The following PSMD1 variants were observed in gnomAD, a reference collection of about 807,000 sequenced individuals.
PSMD1 encodes the protein proteasome 26S subunit, non-ATPase 1.
Under a neutral mutation model 119.0 loss-of-function variants are expected in PSMD1, and 18 were observed. The ratio of observed to expected loss-of-function variants is 0.15; its 90% CI spans 0.10 to 0.22. PSMD1 has a LOEUF of 0.22. Among genes scored for constraint, PSMD1 ranks in the 10% least tolerant of loss-of-function variants. PSMD1 has a pLI of 1.00. For synonymous variants in PSMD1, 374 were observed against 396.6 expected (o/e 0.94, Z 0.68); for missense variants, 702 against 1,158.5 (o/e 0.61, Z 5.72).
intron 22 of PSMD1, 100 bp downstream of exon 22, chr2:231,165,386 T>G: frequency 7.6e-7 from 1 of 1,308,994 alleles, no homozygotes; most frequent in Non-Finnish European, 1.0e-6. Flanking sequence ...GCTCTTGGCT[T>G]CCTTCAAACA....
At chr2:231,123,426 CAA>C (rs781159379) in intron 16 of PSMD1, 2 of 1,613,150 alleles carry the variant, frequency 1.2e-6, no homozygotes, top group African/African-American at 2.7e-5. Context: ...ACATTATTGT[CAA>C]GAGGGCAATT....
intron 16 of PSMD1, among the ~76,000 whole-genome samples, chr2:231,101,654 A>G (rs1694869057): frequency 6.6e-6 from 1 of 152,162 alleles, no homozygotes; most frequent in East Asian, 1.9e-4. Context: ...GGCAGACTTC[A>G]TTGTCTTGTT....
At chr2:231,110,674 C>G (rs1695128068) in intron 16 of PSMD1, among the ~76,000 whole-genome samples, 1 of 152,210 alleles carries the variant, frequency 6.6e-6, no homozygotes, top group Non-Finnish European at 1.5e-5. Flanking sequence ...CTCATGTACA[C>G]CACCAGAAAG....
At chr2:231,110,781 C>T (rs539646924) in intron 16 of PSMD1, among the ~76,000 whole-genome samples, 1 of 152,360 alleles carries the variant, frequency 6.6e-6, no homozygotes, top group South Asian at 2.1e-4. Context: ...TATTGGCATA[C>T]TGCCACTCCC....
chr2:231,165,082 A>ATATATATG (rs1696744326), intron 21 of PSMD1, 118 bp from the exon 22 acceptor site: 1 of 98,228 alleles, frequency 1.0e-5, no homozygotes, highest in Non-Finnish European at 2.0e-5. Flanking sequence ...ATATATATAT[A>ATATATATG]TATATATATG....
rs535121038 is a variant in PSMD1 at position 231,072,088 on chromosome 2, C to G, written c.655-101C>G. On this transcript the variant is annotated intron_variant, in intron 6 of 24. Transcript: ENST00000308696. ...GATAGTCTGCCCTAGTTTGCCTGTG[C>G]TTATATTTTAAGGTTTTCTATAATG... 1.3e-3 allele frequency: 1,198 copies of G among 955,610 alleles called. 2 individuals carry two copies. Among genetic ancestry groups the G allele is most frequent in the Non-Finnish European group, 1.7e-3 (1,105 of 633,408 alleles). The allele number at this position is 955,610 out of a possible 1,614,324, so 59.2% of individuals were successfully genotyped here.
chr2:231,129,072 A>C (rs1282131269), intron 16 of PSMD1, among the ~76,000 whole-genome samples: 1 of 152,224 alleles, frequency 6.6e-6, no homozygotes, highest in African/African-American at 2.4e-5. Context: ...TCAACTCTGC[A>C]TGTCCTCAGT....
At chr2:231,161,787 A>G (rs1696647454) in intron 20 of PSMD1, among the ~76,000 whole-genome samples, 1 of 152,250 alleles carries the variant, frequency 6.6e-6, no homozygotes, top group Non-Finnish European at 1.5e-5. Context: ...GAGGCTTTAT[A>G]TACCACTCTG....
chr2:231,100,152 G>A (rs890894130), intron 16 of PSMD1, among the ~76,000 whole-genome samples: 99 of 152,292 alleles, frequency 6.5e-4, no homozygotes, highest in African/African-American at 2.3e-3. Context: ...AATCATGGGC[G>A]AGCCCCCAAA....
In PSMD1 at chr2:231,072,191, C is replaced by T. The variant is rs367794379; in HGVS notation, c.657C>T (p.Cys219=). 6.2e-7 allele frequency: 1 copy of T among 1,608,638 alleles called. No individual in the cohort carries two copies. The highest frequency in any genetic ancestry group is 8.5e-7 in the Non-Finnish European group (1 of 1,175,196). Residue 219 remains cysteine (C), a splice_region_variant and synonymous_variant, in exon 7 of 25, where the codon TGC becomes TGT. Coordinates refer to ENST00000308696, the MANE Select transcript of PSMD1 (RefSeq NM_002807.4). ...ATTGTTCTTTATCTCCATTTCAGTGCTTAATTTTCTTAGATGATCCTCAGG... is the reference window on the plus strand; with the variant it reads ...ATTGTTCTTTATCTCCATTTCAGTGTTTAATTTTCTTAGATGATCCTCAGG... The part of the protein sequence containing the change: ...EKPDFINVCQ[C]LIFLDDPQAV...
At chr2:231,168,782 A>T (rs1696845280) in intron 23 of PSMD1, among the ~76,000 whole-genome samples, 1 of 152,186 alleles carries the variant, frequency 6.6e-6, no homozygotes, top group Non-Finnish European at 1.5e-5. Flanking sequence ...GAGAGAATGA[A>T]TTTTATGTTA....
At chr2:231,136,455 A>C (rs966052944) in intron 16 of PSMD1, among the ~76,000 whole-genome samples, 1 of 152,214 alleles carries the variant, frequency 6.6e-6, no homozygotes, top group Admixed American at 6.5e-5. Flanking sequence ...TAGTTTATGA[A>C]TTTTATTTTA....
rs1292149054 is a variant in PSMD1 at position 231,165,853 on chromosome 2, T to G, written c.2569-18T>G. 4 of 1,560,918 alleles carry G rather than the reference T, an allele frequency of 2.6e-6. No individual in the cohort carries two copies. Among genetic ancestry groups the G allele is most frequent in the Admixed American group, 3.8e-5 (2 of 52,220 alleles). The stretch of plus-strand genomic sequence containing the variant: ...GAAATGAACTTCTGTTGAACTTTTT[T>G]TAAATTTTATTTTATAGGATGAGGC... On this transcript the variant is annotated intron_variant, in intron 22 of 24. Transcript: ENST00000308696.
At chr2:231,122,934 A>G (rs371682098) in intron 16 of PSMD1, among the ~76,000 whole-genome samples, 1 of 152,180 alleles carries the variant, frequency 6.6e-6, no homozygotes, top group Non-Finnish European at 1.5e-5. Flanking sequence ...AAGAGCTATA[A>G]TAAGAATTTT....
At chr2:231,129,946 C>T (rs1387979281) in intron 16 of PSMD1, among the ~76,000 whole-genome samples, 4 of 152,026 alleles carry the variant, frequency 2.6e-5, no homozygotes, top group Non-Finnish European at 2.9e-5. Flanking sequence ...CTCTGTCTCC[C>T]GGGTTTAAAC....
intron 10 of PSMD1, 38 bp downstream of exon 10, chr2:231,078,785 CTTTTTCTTTTTTTTTTTTT>C: frequency 9.7e-6 from 5 of 516,616 alleles, no homozygotes; most frequent in Non-Finnish European, 1.5e-5. Flanking sequence ...GGTTCAAAAT[CTTTTTCTTTTTTTTTTTTT>C]TTTTTTTTTT....
intron 12 of PSMD1, among the ~76,000 whole-genome samples, chr2:231,082,506 A>C (rs183309414): frequency 0.015 from 2,358 of 152,294 alleles, 30 homozygotes; most frequent in Non-Finnish European, 0.025. Context: ...GAAGTTACAG[A>C]CCAGCCTGGC....
intron 16 of PSMD1, among the ~76,000 whole-genome samples, chr2:231,119,612 T>G (rs1258906194): frequency 6.6e-6 from 1 of 152,162 alleles, no homozygotes; most frequent in Non-Finnish European, 1.5e-5. Context: ...GGCTCATGTC[T>G]GTAATCCCAA....
At chr2:231,142,713 C>T (rs562286884) in intron 17 of PSMD1, among the ~76,000 whole-genome samples, 2 of 151,828 alleles carry the variant, frequency 1.3e-5, no homozygotes, top group East Asian at 3.9e-4. Flanking sequence ...CCTCAAAGGC[C>T]GAGTTACTGT....
Sources: allele counts gnomAD v4.1 joint callset (sites outside exome capture counted in the v4.1 genomes callset), GRCh38; gene constraint gnomAD v4.1.1; transcripts MANE v1.5; gene names NCBI Gene and HGNC (gene_info 2026-07-23, HGNC 2026-07-21).